The following ST3GAL4 variants were observed in gnomAD, a reference collection of about 807,000 sequenced individuals.
ST3GAL4 encodes the protein ST3 beta-galactoside alpha-2,3-sialyltransferase 4.
Under a neutral mutation model 42.6 loss-of-function variants are expected in ST3GAL4, and 24 were observed. The ratio of observed to expected loss-of-function variants is 0.56; its 90% CI spans 0.41 to 0.79. The LOEUF (loss-of-function observed/expected upper bound fraction) is 0.79. ST3GAL4 is among the 30% of genes least tolerant of loss of function. The pLI, the probability that ST3GAL4 is intolerant of heterozygous loss-of-function variation, is 0.00. For synonymous variants in ST3GAL4, 135 were observed against 163.2 expected, an observed-to-expected ratio of 0.83 and a Z score of 1.32; for missense variants, 311 against 430.8, an observed-to-expected ratio of 0.72 and a Z score of 2.46.
Position 126,394,000 on chromosome 11 carries a change from A to T in ST3GAL4, c.-60-12096A>T, listed in dbSNP as rs142946254. 1.1e-3 allele frequency among the ~76,000 whole-genome samples: 170 copies of T among 152,370 alleles called. No individual in the cohort carries two copies. Among genetic ancestry groups the T allele is most frequent in the Non-Finnish European group, 1.9e-3 (127 of 68,038 alleles). On this transcript the variant is annotated intron_variant, in intron 1 of 10. Coordinates refer to ENST00000444328, the MANE Select transcript of ST3GAL4 (RefSeq NM_001254757.2). The surrounding 1 kb of genome is among the most constrained non-coding windows in gnomAD (Gnocchi z 5.9). ...GTATTTTCCACTTAAAGCACATGTC[A>T]GTGTGGACTGGCCCCATTGCAAATA... is the stretch of plus-strand genomic sequence containing the variant.
rs557635209 is a variant in ST3GAL4, at chr11:126,356,560, G to C, written c.-61+718G>C. Among the ~76,000 whole-genome samples the C allele has an allele frequency of 7.5e-4, 115 of 152,366 alleles. 4 individuals are homozygous for C. In the South Asian group the frequency reaches 0.023, roughly 31 times the overall value. ...ATTCCCAGTCCTGGGGGGAGGCTCT[G>C]TCTGGGCAGCTTGAGGCCTGACCTA... is the stretch of plus-strand genomic sequence containing the variant. On this transcript the variant is annotated intron_variant, in intron 1 of 10. Coordinates refer to ENST00000444328, the MANE Select transcript of ST3GAL4 (RefSeq NM_001254757.2).
chr11:126,390,758 C>T (rs747917989), intron 1 of ST3GAL4, among the ~76,000 whole-genome samples: 1 of 151,812 alleles, frequency 6.6e-6, no homozygotes, highest in Non-Finnish European at 1.5e-5. Context: ...GAATGTGCTA[C>T]CGTGCTACCA....
rs376216162 is a variant in ST3GAL4, at chr11:126,414,071, C to T, written c.*24C>T. 1.1e-5 allele frequency: 17 copies of T among 1,612,502 alleles called. No homozygotes were observed. The highest frequency in any genetic ancestry group is 4.0e-5 in the African/African-American group (3 of 74,910). ...GACCTGGGCAAGAGCTGTAGCCTGTCGGTTGCCTACTCTGCTGTCTGGGTG... is the reference window on the plus strand; with the variant it reads ...GACCTGGGCAAGAGCTGTAGCCTGTTGGTTGCCTACTCTGCTGTCTGGGTG... On this transcript the variant is annotated 3_prime_UTR_variant, in exon 11 of 11. Transcript: ENST00000444328.
chr11:126,387,848 C>T (rs1953290020), intron 1 of ST3GAL4, among the ~76,000 whole-genome samples: 1 of 152,136 alleles, frequency 6.6e-6, no homozygotes, highest in Non-Finnish European at 1.5e-5. Flanking sequence ...ATGCATGTAA[C>T]TGTTTTGTGA....
chr11:126,394,041 C>A (rs1016203235), intron 1 of ST3GAL4, among the ~76,000 whole-genome samples: 2 of 152,224 alleles, frequency 1.3e-5, no homozygotes, highest in African/African-American at 4.8e-5. Context: ...TGGCCTGGGA[C>A]TGGGGTGACC....
chr11:126,407,854 C>G (rs117409684), intron 6 of ST3GAL4, among the ~76,000 whole-genome samples: 3 of 151,932 alleles, frequency 2.0e-5, no homozygotes, highest in Non-Finnish European at 2.9e-5. Flanking sequence ...ATTGATACAC[C>G]CCCCCATGCC....
At chr11:126,387,953 G>A (rs1348307400) in intron 1 of ST3GAL4, among the ~76,000 whole-genome samples, 1 of 152,218 alleles carries the variant, frequency 6.6e-6, no homozygotes, top group Non-Finnish European at 1.5e-5. Flanking sequence ...ATACCAGCAC[G>A]CATAGGTTTG....
At chr11:126,358,409 T>TC (rs1214379989) in intron 1 of ST3GAL4, 1 of 434,382 alleles carries the variant, frequency 2.3e-6, no homozygotes, top group African/African-American at 2.0e-5. Flanking sequence ...GTTGCCCCCT[T>TC]CCCAGAGGCT....
At chr11:126,370,915 G>A (rs1952616883) in intron 1 of ST3GAL4, among the ~76,000 whole-genome samples, 1 of 151,994 alleles carries the variant, frequency 6.6e-6, no homozygotes. Flanking sequence ...CAATCTACCT[G>A]CCTTGGCCTC....
chr11:126,378,265 T>A lies in ST3GAL4; in HGVS notation c.-61+22423T>A, dbSNP rs117745077. On this transcript the variant is annotated intron_variant, in intron 1 of 10. Transcript: ENST00000444328. This position sits in a 1 kb window ranked among gnomAD's most constrained non-coding sequence, Gnocchi z 5.3. ...CATCCTATTACCCACGAGTTGGGGG[T>A]GATACGAATGTCATGGTTATTCTCC... is the stretch of plus-strand genomic sequence containing the variant. Among the ~76,000 whole-genome samples the A allele has an allele frequency of 4.5e-4, 68 of 152,222 alleles. No individual in the cohort carries two copies. Among genetic ancestry groups the A allele is most frequent in the Non-Finnish European group, 9.3e-4 (63 of 68,028 alleles).
At chr11:126,358,337 C>T (rs551728091) in intron 1 of ST3GAL4, 16 of 292,208 alleles carry the variant, frequency 5.5e-5, no homozygotes, top group African/African-American at 1.6e-4. Flanking sequence ...TTTTGGTTGC[C>T]GGGAGGAAAT....
chr11:126,365,303 G>A (rs1201757525), intron 1 of ST3GAL4, among the ~76,000 whole-genome samples: 2 of 151,098 alleles, frequency 1.3e-5, no homozygotes, highest in Admixed American at 6.6e-5. Context: ...ACTGAGGGCC[G>A]AGCTCTTCCA....
intron 1 of ST3GAL4, among the ~76,000 whole-genome samples, chr11:126,387,256 C>T (rs192297385): frequency 6.8e-4 from 104 of 152,320 alleles, no homozygotes; most frequent in Middle Eastern, 3.4e-3. Flanking sequence ...CTGGAAAGGT[C>T]GTTTGCACTC....
rs570483352 is a variant in ST3GAL4, at chr11:126,371,668, T to C, written c.-61+15826T>C. 9.2e-5 allele frequency among the ~76,000 whole-genome samples: 14 copies of C among 152,378 alleles called. No homozygotes were observed. The South Asian group carries it at 2.7e-3, about 29-fold the overall frequency. On this transcript the variant is annotated intron_variant, in intron 1 of 10. Transcript: ENST00000444328. ...AGTTGCGTGAATGTAGCACAGCTTA[T>C]GTAGCCATCCCTCTCCTGACGATAG... is the stretch of plus-strand genomic sequence containing the variant.
rs1004413810 is a variant in ST3GAL4 at position 126,386,274 on chromosome 11, G to A, written c.-60-19822G>A. Among the ~76,000 whole-genome samples, 3 of 152,112 alleles carry A rather than the reference G, an allele frequency of 2.0e-5. No individual in the cohort carries two copies. The highest frequency in any genetic ancestry group is 2.9e-5 in the Non-Finnish European group (2 of 68,014). ...TCATCTCCACCATTTCCTGTTTGCC[G>A]TGTGTCTGTGCCCCCCAAGGATGAA... On this transcript the variant is annotated intron_variant, in intron 1 of 10. Coordinates refer to ENST00000444328, the MANE Select transcript of ST3GAL4 (RefSeq NM_001254757.2). This position sits in a 1 kb window ranked among gnomAD's most constrained non-coding sequence, Gnocchi z 4.7.
At chr11:126,377,302 C>G (rs918164283) in intron 1 of ST3GAL4, among the ~76,000 whole-genome samples, 6 of 151,894 alleles carry the variant, frequency 4.0e-5, no homozygotes, top group Non-Finnish European at 8.8e-5. Context: ...TCCTGAGTAG[C>G]TGGGACTACA....
intron 1 of ST3GAL4, among the ~76,000 whole-genome samples, chr11:126,364,840 C>T (rs1359611151): frequency 1.3e-5 from 2 of 151,570 alleles, no homozygotes; most frequent in Non-Finnish European, 2.9e-5. Flanking sequence ...GGGCCTGTGG[C>T]CCTGATCACC....
intron 1 of ST3GAL4, among the ~76,000 whole-genome samples, chr11:126,367,573 G>T (rs2135394896): frequency 6.6e-6 from 1 of 152,298 alleles, no homozygotes; most frequent in African/African-American, 2.4e-5. Flanking sequence ...CCCTGCTGAG[G>T]CTGCGGACGT....
chr11:126,407,970 G>A (rs1328925710), intron 6 of ST3GAL4, 129 bp from the exon 7 acceptor site: 4 of 1,052,104 alleles, frequency 3.8e-6, no homozygotes, highest in South Asian at 3.1e-5. Context: ...ACGGGGTGAT[G>A]CCTGCTTCAT....
Sources: allele counts gnomAD v4.1 joint callset (sites outside exome capture counted in the v4.1 genomes callset), GRCh38; gene constraint gnomAD v4.1.1; non-coding constraint Gnocchi (gnomAD v3.1); transcripts MANE v1.5; gene names NCBI Gene and HGNC (gene_info 2026-07-23, HGNC 2026-07-21).